The following MEGF11 variants were observed in gnomAD, a reference collection of about 807,000 sequenced individuals.
The protein encoded by MEGF11 is multiple EGF like domains 11.
MEGF11 carries 126 observed loss-of-function variants against 146.6 expected under a neutral mutation model. The ratio of observed to expected loss-of-function variants is 0.86; its 90% confidence interval spans 0.74 to 1.00. MEGF11 has a LOEUF of 1.00. MEGF11 is among the 50% of genes least tolerant of loss of function. The probability of loss-of-function intolerance (pLI) is 0.00; values close to 1 mark genes in which losing one functional copy is unlikely to be tolerated. For missense variants in MEGF11, 1,509 were observed against 1,521.2 expected (o/e 0.99, Z 0.13); for synonymous variants, 532 against 583.4 (o/e 0.91, Z 1.27).
Position 65,909,089 on chromosome 15 carries a change from C to G in MEGF11, c.2943G>C (p.Glu981Asp). The change falls in exon 23 of 26, where the codon GAG (glutamate) becomes GAC (aspartate). Residue 981 changes from glutamate (E) to aspartate (D), a missense_variant. Physicochemically the swap from Glu to Asp is conservative, Grantham distance 45. Transcript: ENST00000395614. Reference sequence around the variant, plus strand: ...GGTGTCTAAGTTCAATGTAGAAGTCCTCGGGCGGGTACCTGGCCTCCAGGG... The same window carrying G: ...GGTGTCTAAGTTCAATGTAGAAGTCGTCGGGCGGGTACCTGGCCTCCAGGG... Reference protein sequence around the residue: ...ISALEARYPPEDFYIELRHLS... With the variant: ...ISALEARYPPDDFYIELRHLS... The G allele has an allele frequency of 6.5e-7, 1 of 1,535,862 alleles. No individual in the cohort carries two copies. Among genetic ancestry groups the G allele is most frequent in the African/African-American group, 1.4e-5 (1 of 73,070 alleles).
chr15:66,235,676 G>A (rs1033962766), intron 1 of MEGF11, among the ~76,000 whole-genome samples: 2 of 152,078 alleles, frequency 1.3e-5, no homozygotes, highest in African/African-American at 2.4e-5. Flanking sequence ...GGCACTCAGA[G>A]CAGTGATGTT....
At chr15:65,940,089 C>T (rs992578672) in intron 10 of MEGF11, among the ~76,000 whole-genome samples, 6 of 152,138 alleles carry the variant, frequency 3.9e-5, no homozygotes, top group South Asian at 2.1e-4. Flanking sequence ...AGTGGCTAGA[C>T]GGGGTGGGGC....
intron 19 of MEGF11, among the ~76,000 whole-genome samples, chr15:65,914,856 A>G (rs1164740592): frequency 6.6e-6 from 1 of 152,232 alleles, no homozygotes; most frequent in African/African-American, 2.4e-5. Context: ...AAAGGCTTTT[A>G]TATAACAAAG....
At chr15:65,967,439 AT>A (rs200279964) in intron 8 of MEGF11, among the ~76,000 whole-genome samples, 3 of 152,106 alleles carry the variant, frequency 2.0e-5, no homozygotes, top group East Asian at 1.9e-4. Context: ...GGGAAAAGCA[AT>A]TTAAAAAAAA....
At chr15:66,064,193 C>A (rs987659683) in intron 5 of MEGF11, among the ~76,000 whole-genome samples, 4 of 152,076 alleles carry the variant, frequency 2.6e-5, no homozygotes, top group Non-Finnish European at 5.9e-5. Context: ...CATGGCAAAA[C>A]CCCATCTCTA....
At position 65,982,191 on chromosome 15, in the gene MEGF11, A is replaced by C; in HGVS notation, c.641+51T>G. 3.9e-6 allele frequency: 4 copies of C among 1,031,178 alleles called. No homozygotes were observed. Among genetic ancestry groups the C allele is most frequent in the Non-Finnish European group, 4.8e-6 (4 of 837,166 alleles). The allele number at this position is 1,031,178 out of a possible 1,614,324, so 63.9% of individuals were successfully genotyped here. On this transcript the variant is annotated intron_variant, in intron 6 of 25. Transcript: ENST00000395614. The surrounding 1 kb of genome is among the most constrained non-coding windows in gnomAD (Gnocchi z 5.6). ...TACCCTCCCCACCCAGGCACCCTCCAGGTCCCGCCCCTCCAGGTCCCGCCC... is the reference window on the plus strand; with the variant it reads ...TACCCTCCCCACCCAGGCACCCTCCCGGTCCCGCCCCTCCAGGTCCCGCCC...
intron 5 of MEGF11, among the ~76,000 whole-genome samples, chr15:66,036,600 AC>A (rs1206032156): frequency 6.6e-6 from 1 of 152,018 alleles, no homozygotes; most frequent in Non-Finnish European, 1.5e-5. Flanking sequence ...GCTTTTTGAC[AC>A]CGAGTCACAC....
At chr15:66,046,359 C>T (rs192736594) in intron 5 of MEGF11, among the ~76,000 whole-genome samples, 25 of 152,322 alleles carry the variant, frequency 1.6e-4, no homozygotes, top group African/African-American at 5.1e-4. Flanking sequence ...GAGTTCTTAA[C>T]CTAATGGAGG....
At chr15:66,004,425 T>C (rs1207400532) in intron 5 of MEGF11, among the ~76,000 whole-genome samples, 1 of 69,326 alleles carries the variant, frequency 1.4e-5, no homozygotes, top group Non-Finnish European at 4.1e-5. Flanking sequence ...ATTTTTGTAA[T>C]ATTTTCTTTT....
intron 5 of MEGF11, among the ~76,000 whole-genome samples, chr15:66,035,207 A>C (rs148419607): frequency 2.7e-4 from 41 of 152,320 alleles, no homozygotes; most frequent in African/African-American, 9.4e-4. Flanking sequence ...GAACTTCATA[A>C]GTAGTATTAC....
chr15:65,939,594 A>G (rs1262050106), intron 10 of MEGF11, among the ~76,000 whole-genome samples: 1 of 151,190 alleles, frequency 6.6e-6, no homozygotes, highest in African/African-American at 2.4e-5. Context: ...TCCCGGGTTC[A>G]AGCGATTCTC....
intron 1 of MEGF11, among the ~76,000 whole-genome samples, chr15:66,239,922 A>G (rs2092175489): frequency 6.6e-6 from 1 of 152,242 alleles, no homozygotes; most frequent in East Asian, 1.9e-4. Context: ...TATCACTTGT[A>G]CCTGCAACAA....
In MEGF11 at chr15:66,053,714, A is replaced by ATTTTTTTTTTTTTTTTTTTTTTTTTT. The variant is rs2084549697; in HGVS notation, c.394+40687_394+40688insAAAAAAAAAAAAAAAAAAAAAAAAAA. 5.7e-4 allele frequency among the ~76,000 whole-genome samples: 24 copies of ATTTTTTTTTTTTTTTTTTTTTTTTTT among 42,268 alleles called. 12 individuals carry two copies. Among genetic ancestry groups the ATTTTTTTTTTTTTTTTTTTTTTTTTT allele is most frequent in the Non-Finnish European group, 5.2e-4 (8 of 15,512 alleles). The allele number at this position is 42,268 out of a possible 152,430, so 27.7% of individuals were successfully genotyped here. On this transcript the variant is annotated intron_variant, in intron 5 of 25. Coordinates refer to ENST00000395614, the MANE Select transcript of MEGF11 (RefSeq NM_001385028.1). The stretch of plus-strand genomic sequence containing the variant: ...ACTCAGCTCCCCCTCCCCTGGCACC[A>ATTTTTTTTTTTTTTTTTTTTTTTTTT]ATTTTTTTTTTTTTTTTTTTTTTTT...
In MEGF11 at chr15:65,950,584, GACACACACACACACAC is replaced by G. The variant is rs57977250; in HGVS notation, c.1287+6947_1287+6962del. Among the ~76,000 whole-genome samples, 828 of 148,922 alleles carry G rather than the reference GACACACACACACACAC, an allele frequency of 5.6e-3. 2 individuals carry two copies. Among genetic ancestry groups the G allele is most frequent in the East Asian group, 0.019 (95 of 5,002 alleles). On this transcript the variant is annotated intron_variant, in intron 10 of 25. Transcript: ENST00000395614. ...CAATAGAGTGAGGCTTAGACACACA[GACACACACACACACAC>G]ACACACACACACACACACACACACA...
intron 5 of MEGF11, among the ~76,000 whole-genome samples, chr15:66,053,726 T>C (rs2084555662): frequency 7.2e-6 from 1 of 138,496 alleles, no homozygotes; most frequent in Admixed American, 7.2e-5. Context: ...TTTTTTTTTT[T>C]TTTTTTTTTT....
intron 1 of MEGF11, among the ~76,000 whole-genome samples, chr15:66,191,197 T>A (rs1441323199): frequency 1.3e-5 from 2 of 152,192 alleles, no homozygotes; most frequent in Non-Finnish European, 2.9e-5. Flanking sequence ...AAAATCCTAC[T>A]TTGCTATCCC....
intron 1 of MEGF11, among the ~76,000 whole-genome samples, chr15:66,131,148 C>T (rs1381431649): frequency 1.3e-5 from 2 of 152,194 alleles, no homozygotes; most frequent in East Asian, 1.9e-4. Flanking sequence ...CTTTCCTTAT[C>T]GGGCACCATG....
In MEGF11 at chr15:65,915,613, G is replaced by A. The variant is rs752679489; in HGVS notation, c.2345-15C>T. ...TGGGGCACATCCTGTGTGGCACAAA[G>A]AGTTAGGGTAGAGGACCCACTCACT... On this transcript the variant is annotated splice_polypyrimidine_tract_variant and intron_variant, in intron 18 of 25. Transcript: ENST00000395614. 6 of 1,613,046 alleles carry A rather than the reference G, an allele frequency of 3.7e-6. No homozygotes were observed. In the Admixed American group the frequency reaches 8.3e-5, roughly 22 times the overall value.
chr15:66,015,819 C>T (rs534992994), intron 5 of MEGF11, among the ~76,000 whole-genome samples: 12 of 148,796 alleles, frequency 8.1e-5, no homozygotes, highest in Non-Finnish European at 1.2e-4. Context: ...CCTGAGAGGA[C>T]GATGAGAAGA....
Sources: gnomAD v4.1 joint callset for allele counts (sites outside exome capture counted in the v4.1 genomes callset) on GRCh38, gnomAD v4.1.1 for gene constraint, Gnocchi (gnomAD v3.1) non-coding constraint, MANE v1.5 for transcripts, NCBI Gene and HGNC (gene_info 2026-07-23, HGNC 2026-07-21) for gene names.